The following SLC5A5 variants were observed in gnomAD, a reference collection of about 807,000 sequenced individuals.
The protein encoded by SLC5A5 is solute carrier family 5 member 5.
In SLC5A5, 56 loss-of-function variants were observed where a neutral mutation model predicts 68.6. The ratio of observed to expected loss-of-function variants is 0.82; its 90% CI spans 0.66 to 1.02. SLC5A5 has a LOEUF of 1.02. SLC5A5 is among the 50% of genes least tolerant of loss of function. The probability of loss-of-function intolerance (pLI) is 0.00; values close to 1 mark genes in which losing one functional copy is unlikely to be tolerated. For missense variants in SLC5A5, 807 were observed against 859.8 expected, an observed-to-expected ratio of 0.94 and a Z score of 0.77; for synonymous variants, 398 against 373.0, an observed-to-expected ratio of 1.07 and a Z score of -0.77.
At chr19:17,876,240 G>T (rs980100336) in intron 5 of SLC5A5, 134 bp downstream of exon 5, 1 of 874,682 alleles carries the variant, frequency 1.1e-6, no homozygotes, top group African/African-American at 1.7e-5. Context: ...GACCAGCCTG[G>T]GCAACATGGT....
chr19:17,893,057 G>T (rs1235412633), intron 14 of SLC5A5, among the ~76,000 whole-genome samples: 21 of 99,452 alleles, frequency 2.1e-4, no homozygotes, highest in East Asian at 2.6e-4. Flanking sequence ...TTTCTTTTTT[G>T]TTGTCTTTGT....
At chr19:17,888,735 C>A (rs763996080) in intron 13 of SLC5A5, among the ~76,000 whole-genome samples, 2 of 151,522 alleles carry the variant, frequency 1.3e-5, no homozygotes, top group Admixed American at 6.6e-5. Context: ...CAGATTCAAG[C>A]GATTCTCATG....
chr19:17,872,545 G>T lies in SLC5A5; in HGVS notation c.226G>T (p.Val76Leu), dbSNP rs2094296902. 1 of 1,612,782 alleles carries T rather than the reference G, an allele frequency of 6.2e-7. No individual in the cohort carries two copies. The highest frequency in any genetic ancestry group is 8.5e-7 in the Non-Finnish European group (1 of 1,179,868). The change falls in exon 1 of 15, where the codon GTG (valine) becomes TTG (leucine). Residue 76 changes from valine (V) to leucine (L), a missense_variant. Physicochemically the swap from Val to Leu is conservative, Grantham distance 32. Transcript: ENST00000222248. ...CATGTCGGCCGTGCAGGTGCTGGGC[G>T]TGCCGTCGGAGGCCTATCGCTATGG... ...SFMSAVQVLG[V>L]PSEAYRYGLK...
rs550545031 is a variant in SLC5A5, at chr19:17,878,027, C to T, written c.903C>T (p.Ile301=). The change falls in exon 7 of 15, where the codon ATC becomes ATT. Residue 301 remains isoleucine (I), a synonymous_variant. Transcript: ENST00000222248. The part of the protein sequence containing the change: ...LIVSSAACCG[I]VMFVFYTDCD... The stretch of plus-strand genomic sequence containing the variant: ...TGTCCAGCGCTGCCTGCTGTGGCAT[C>T]GTCATGTTTGTGTTCTACACTGACT... 3.7e-5 allele frequency: 60 copies of T among 1,613,256 alleles called. No homozygotes were observed. The highest frequency in any genetic ancestry group is 1.1e-4 in the South Asian group (10 of 91,080).
Position 17,880,726 on chromosome 19 carries a change from A to G in SLC5A5, c.970-139A>G. On this transcript the variant is annotated intron_variant, in intron 7 of 14. Coordinates refer to ENST00000222248, the MANE Select transcript of SLC5A5 (RefSeq NM_000453.3). ...AAAACAAAACAAAACAAAACCACAGACAAAAACTAAATGCATATTAAATGC... is the reference window on the plus strand; with the variant it reads ...AAAACAAAACAAAACAAAACCACAGGCAAAAACTAAATGCATATTAAATGC... 5.7e-6 allele frequency: 4 copies of G among 701,618 alleles called. No individual in the cohort carries two copies. In the South Asian group the frequency reaches 5.9e-5, roughly 10 times the overall value. The allele number at this position is 701,618 out of a possible 1,614,324, so 43.5% of individuals were successfully genotyped here. A position where few individuals can be genotyped will look rare whatever the true frequency, so the allele number is the denominator to read the frequency against.
chr19:17,884,795 A>G (rs940506385), intron 12 of SLC5A5, among the ~76,000 whole-genome samples: 1 of 151,736 alleles, frequency 6.6e-6, no homozygotes, highest in African/African-American at 2.4e-5. Flanking sequence ...TTAAAGTGGC[A>G]TTTAGTATAT....
At chr19:17,883,498 A>G (rs1223775043) in intron 10 of SLC5A5, among the ~76,000 whole-genome samples, 183 bp from the exon 11 acceptor site, 1 of 143,888 alleles carries the variant, frequency 6.9e-6, no homozygotes, top group Non-Finnish European at 1.5e-5. Flanking sequence ...TTTGCCTCCA[A>G]CCCAAGGGAG....
intron 13 of SLC5A5, 60 bp downstream of exon 13, chr19:17,888,515 T>C (rs1599931479): frequency 6.2e-7 from 1 of 1,600,678 alleles, no homozygotes; most frequent in South Asian, 1.1e-5. Context: ...GCCTCAAGGC[T>C]CCACCCAGCA....
chr19:17,883,988 G>A lies in SLC5A5; in HGVS notation c.1468G>A (p.Ala490Thr), dbSNP rs753008896. 33 of 1,570,404 alleles carry A rather than the reference G, an allele frequency of 2.1e-5. No homozygotes were observed. The South Asian group carries it at 2.8e-4, about 13-fold the overall frequency. ...AARCVALSVN[A>T]SGLLDPALLP... ...CCGCTGCGTGGCTCTCTCAGTCAACGCCTCTGGCCTCCTGGACCCGGCTCT... is the reference window on the plus strand; with the variant it reads ...CCGCTGCGTGGCTCTCTCAGTCAACACCTCTGGCCTCCTGGACCCGGCTCT... The change falls in exon 12 of 15, where the codon GCC becomes ACC. Residue 490 changes from alanine (A) to threonine (T), a missense_variant. Ala to Thr is a moderately conservative substitution (Grantham distance 58, BLOSUM62 0). Transcript: ENST00000222248.
chr19:17,889,548 T>G (rs2030082205), intron 13 of SLC5A5, among the ~76,000 whole-genome samples: 1 of 152,154 alleles, frequency 6.6e-6, no homozygotes, highest in Non-Finnish European at 1.5e-5. Flanking sequence ...CATGGCTCAC[T>G]GCAACCTTGA....
At chr19:17,889,722 G>T (rs1249463100) in intron 13 of SLC5A5, among the ~76,000 whole-genome samples, 1 of 152,034 alleles carries the variant, frequency 6.6e-6, no homozygotes, top group Non-Finnish European at 1.5e-5. Flanking sequence ...AGGCAGAAAC[G>T]GAGGCATTGC....
In SLC5A5 at chr19:17,880,155, C is replaced by T. The variant is rs955836453; in HGVS notation, c.970-710C>T. On this transcript the variant is annotated intron_variant, in intron 7 of 14. Coordinates refer to ENST00000222248, the MANE Select transcript of SLC5A5 (RefSeq NM_000453.3). ...ACCTCAGGTGATCCACCTGCCTCAGCCTCTGAATGTGCTGGGATTACAGGC... is the reference window on the plus strand; with the variant it reads ...ACCTCAGGTGATCCACCTGCCTCAGTCTCTGAATGTGCTGGGATTACAGGC... Among the ~76,000 whole-genome samples, 3 of 152,032 alleles carry T rather than the reference C, an allele frequency of 2.0e-5. No homozygotes were observed. In the East Asian group the frequency reaches 5.8e-4, roughly 29 times the overall value.
rs2030306481 is a variant in SLC5A5 at position 17,893,939 on chromosome 19, A to G, written c.*62A>G. 1 of 1,476,258 alleles carries G rather than the reference A, an allele frequency of 6.8e-7. No individual in the cohort carries two copies. Among genetic ancestry groups the G allele is most frequent in the East Asian group, 2.5e-5 (1 of 40,566 alleles). The allele number at this position is 1,476,258 out of a possible 1,614,324, so 91.4% of individuals were successfully genotyped here. ...GAACCTCAGGATGGGCCAAACCCAG[A>G]CAACGGGCCCATGGCCTTGGGCTCT... On this transcript the variant is annotated 3_prime_UTR_variant, in exon 15 of 15. Transcript: ENST00000222248.
At chr19:17,874,590 G>A in intron 3 of SLC5A5, 45 bp downstream of exon 3, 1 of 1,612,624 alleles carries the variant, frequency 6.2e-7, no homozygotes, top group Non-Finnish European at 8.5e-7. Context: ...GAAGAGAAAG[G>A]GAGGGAGAGG....
intron 14 of SLC5A5, 144 bp from the exon 15 acceptor site, chr19:17,893,569 G>C: frequency 1.3e-6 from 1 of 785,992 alleles, no homozygotes; most frequent in East Asian, 2.7e-5. Flanking sequence ...GGACTGGCCC[G>C]TGCACTGAGC....
At chr19:17,892,552 G>A (rs1403788888) in intron 14 of SLC5A5, among the ~76,000 whole-genome samples, 1 of 151,770 alleles carries the variant, frequency 6.6e-6, no homozygotes, top group Admixed American at 6.6e-5. Context: ...CAGGAGAATC[G>A]ATTGAACTCA....
chr19:17,888,418 C>T lies in SLC5A5; in HGVS notation c.1614C>T (p.Thr538=). The T allele has an allele frequency of 6.2e-7, 1 of 1,613,866 alleles. No homozygotes were observed. Among genetic ancestry groups the T allele is most frequent in the Non-Finnish European group, 8.5e-7 (1 of 1,179,984 alleles). ...ATTACGGTGCCCTGGGCACGCTGAC[C>T]ACTGTGCTGTGCGGAGCCCTCATCA... ...YLYYGALGTL[T]TVLCGALISC... Residue 538 remains threonine, a synonymous_variant, in exon 13 of 15, where the codon ACC becomes ACT. Transcript: ENST00000222248.
At chr19:17,893,154 G>A (rs1599937671) in intron 14 of SLC5A5, among the ~76,000 whole-genome samples, 1 of 146,016 alleles carries the variant, frequency 6.8e-6, no homozygotes, top group South Asian at 2.1e-4. Flanking sequence ...AGGCTGGAGT[G>A]TAGTGGCATG....
intron 14 of SLC5A5, among the ~76,000 whole-genome samples, chr19:17,893,012 T>C (rs2030249925): frequency 1.4e-5 from 2 of 141,532 alleles, no homozygotes; most frequent in South Asian, 4.2e-4. Context: ...CTTTTTTTTC[T>C]TTCTCTCTCT....
Sources: gnomAD v4.1 joint callset for allele counts (sites outside exome capture counted in the v4.1 genomes callset) on GRCh38, gnomAD v4.1.1 for gene constraint, MANE v1.5 for transcripts, NCBI Gene and HGNC (gene_info 2026-07-23, HGNC 2026-07-21) for gene names.